The following RBFOX2 variants were observed in gnomAD, a reference collection of about 807,000 sequenced individuals.
RBFOX2 encodes RNA binding fox-1 homolog 2, also known as RNA binding protein fox-1 homolog 2.
Under a neutral mutation model 49.1 loss-of-function variants are expected in RBFOX2, and 10 were observed. The ratio of observed to expected loss-of-function variants is 0.20; its 90% CI spans 0.13 to 0.35. RBFOX2 has a LOEUF of 0.35. Ranked by LOEUF, RBFOX2 falls within the 10% of genes least tolerant of loss-of-function variation. RBFOX2 has a pLI of 1.00. For missense variants in RBFOX2, 323 were observed against 486.9 expected (o/e 0.66, Z 3.17); for synonymous variants, 183 against 187.4 (o/e 0.98, Z 0.19).
chr22:35,822,459 T>C (rs1954734072), intron 1 of RBFOX2, among the ~76,000 whole-genome samples: 1 of 152,234 alleles, frequency 6.6e-6, no homozygotes, highest in South Asian at 2.1e-4. Context: ...TTTTCTGGTC[T>C]CTTTCATGCT....
intron 1 of RBFOX2, chr22:35,999,888 C>A (rs1202042748): frequency 6.6e-6 from 1 of 151,548 alleles, no homozygotes; most frequent in Non-Finnish European, 1.5e-5. Flanking sequence ...GCATAATTTA[C>A]AGGGGGAACT....
Position 35,846,440 on chromosome 22 carries a change from A to G in RBFOX2, c.-33-36436T>C, listed in dbSNP as rs16985540. The stretch of plus-strand genomic sequence containing the variant: ...TAATATACTCTACAGCATTTTGAGG[A>G]CCTGAGCATACCTCAATATCAAAAG... On this transcript the variant is annotated intron_variant, in intron 1 of 13. Coordinates refer to the RBFOX2 transcript ENST00000359369. Among the ~76,000 whole-genome samples, 336 of 151,652 alleles carry G rather than the reference A, an allele frequency of 2.2e-3. 9 individuals are homozygous for G. The East Asian group carries it at 0.055, about 25-fold the overall frequency.
intron 2 of RBFOX2, among the ~76,000 whole-genome samples, chr22:35,783,182 C>T (rs779630928): frequency 6.6e-6 from 1 of 152,152 alleles, no homozygotes; most frequent in Non-Finnish European, 1.5e-5. Flanking sequence ...CACCATTCCA[C>T]AAGGAGGGAG....
intron 2 of RBFOX2, among the ~76,000 whole-genome samples, chr22:35,805,206 C>A (rs1950502601): frequency 1.4e-5 from 2 of 145,986 alleles, no homozygotes; most frequent in Admixed American, 1.4e-4. Context: ...AGGAGAATGG[C>A]GTGAACCCGG....
At chr22:35,743,477 G>A (rs1001974137) in exon 12 of RBFOX2, 1 of 152,152 alleles carries the variant, frequency 6.6e-6, no homozygotes, top group Non-Finnish European at 1.5e-5. Flanking sequence ...CTAATGAGGT[G>A]TTTATTATCC....
intron 1 of RBFOX2, among the ~76,000 whole-genome samples, chr22:35,961,322 C>G (rs1324989220): frequency 1.3e-5 from 2 of 152,218 alleles, no homozygotes; most frequent in Non-Finnish European, 1.5e-5. Context: ...AAAGATATTA[C>G]ATTGCTACAT....
At chr22:36,019,361 T>C (rs1352471593) in intron 1 of RBFOX2, among the ~76,000 whole-genome samples, 1 of 152,238 alleles carries the variant, frequency 6.6e-6, no homozygotes, top group African/African-American at 2.4e-5. Context: ...TGCTCATCTC[T>C]AGTAGTTCCC....
chr22:35,838,571 G>C (rs1159876527), intron 1 of RBFOX2, among the ~76,000 whole-genome samples: 2 of 152,296 alleles, frequency 1.3e-5, no homozygotes, highest in East Asian at 1.9e-4. Flanking sequence ...GGTGCAACAA[G>C]CTAGCGGTTT....
rs188259649 is a variant in RBFOX2, at chr22:35,980,477, G to C, written c.187-41580C>G. 2.9e-3 allele frequency among the ~76,000 whole-genome samples: 445 copies of C among 152,316 alleles called. 1 individual carries two copies. In the Middle Eastern group the frequency reaches 0.034, roughly 12 times the overall value. ...ATGGTTTTCTACTCAAAGCAAAGGA[G>C]TAACTCTTGTGTATGAAAGAGAACA... On this transcript the variant is annotated intron_variant, in intron 1 of 13. Coordinates refer to the RBFOX2 transcript ENST00000438146.
chr22:36,022,577 T>A (rs1398664958), intron 1 of RBFOX2, among the ~76,000 whole-genome samples: 3 of 152,234 alleles, frequency 2.0e-5, no homozygotes, highest in Non-Finnish European at 4.4e-5. Context: ...TTTACATGAC[T>A]GTTCCTCAGT....
At chr22:35,994,634 G>A (rs1020334761) in intron 1 of RBFOX2, 1 of 151,966 alleles carries the variant, frequency 6.6e-6, no homozygotes, top group African/African-American at 2.4e-5. Flanking sequence ...TCAAACTCTT[G>A]GGTTCAAGTG....
chr22:35,952,855 T>C (rs1450086015), intron 1 of RBFOX2, among the ~76,000 whole-genome samples: 1 of 152,014 alleles, frequency 6.6e-6, no homozygotes, highest in African/African-American at 2.4e-5. Flanking sequence ...CCCAAAGAAC[T>C]GGAAAACAGG....
chr22:35,872,371 C>T (rs1469640539), intron 1 of RBFOX2, among the ~76,000 whole-genome samples: 1 of 152,082 alleles, frequency 6.6e-6, no homozygotes, highest in Non-Finnish European at 1.5e-5. Flanking sequence ...TTTAGTTTGC[C>T]GTCTATAGGC....
chr22:35,961,659 G>C (rs2056222876), exon 1 of RBFOX2: 2 of 1,303,592 alleles, frequency 1.5e-6, no homozygotes, highest in African/African-American at 1.5e-5. Flanking sequence ...CTTGCACACA[G>C]CTACCATCTC....
chr22:35,888,822 C>T (rs2046907635), intron 1 of RBFOX2, among the ~76,000 whole-genome samples: 1 of 152,112 alleles, frequency 6.6e-6, no homozygotes, highest in African/African-American at 2.4e-5. Context: ...GGTTTTCCTC[C>T]TTAAGAATAA....
intron 3 of RBFOX2, among the ~76,000 whole-genome samples, chr22:35,778,626 C>T: frequency 6.6e-6 from 1 of 151,808 alleles, no homozygotes; most frequent in Middle Eastern, 3.4e-3. Flanking sequence ...ACATCAGATG[C>T]ATTCTATAAT....
exon 12 of RBFOX2, chr22:35,743,411 G>A (rs1930913501): frequency 1.3e-5 from 2 of 152,272 alleles, no homozygotes; most frequent in Admixed American, 1.3e-4. Flanking sequence ...CTAGGTTACA[G>A]GAACAAAAAG....
chr22:35,938,482 A>C (rs2053346700), intron 1 of RBFOX2, among the ~76,000 whole-genome samples: 1 of 152,108 alleles, frequency 6.6e-6, no homozygotes. Context: ...AGGACTCAAA[A>C]ACTCTGTGCA....
intron 2 of RBFOX2, among the ~76,000 whole-genome samples, chr22:35,792,658 T>C (rs113729533): frequency 6.2e-4 from 95 of 152,330 alleles, no homozygotes; most frequent in Middle Eastern, 6.8e-3. Flanking sequence ...AAAATGAGCA[T>C]TGGAGTTCTA....
Sources: allele counts gnomAD v4.1 joint callset (sites outside exome capture counted in the v4.1 genomes callset), GRCh38; gene constraint gnomAD v4.1.1; transcripts MANE v1.5; gene names NCBI Gene and HGNC (gene_info 2026-07-23, HGNC 2026-07-21).